Variants in NTRK2 observed in about 807,000 individuals in gnomAD.
The protein encoded by NTRK2 is BDNF/NT-3 growth factors receptor.
Under a neutral mutation model 94.5 loss-of-function variants are expected in NTRK2, and 13 were observed. The observed-to-expected ratio is 0.14, with a 90% confidence interval of 0.09 to 0.22. The LOEUF is 0.22. Ranked by LOEUF, NTRK2 falls within the 10% of genes least tolerant of loss-of-function variation. NTRK2 has a pLI of 1.00. For missense variants in NTRK2, 639 were observed against 1,071.2 expected (o/e 0.60, Z 5.63); for synonymous variants, 372 against 407.4 (o/e 0.91, Z 1.05).
At chr9:84,948,296 T>G (rs190883566) in intron 15 of NTRK2, among the ~76,000 whole-genome samples, 166 bp from the exon 16 acceptor site, 6 of 152,330 alleles carry the variant, frequency 3.9e-5, no homozygotes, top group Non-Finnish European at 2.9e-5. Context: ...TGGAAAGCTT[T>G]GCATATGCCT....
At chr9:84,882,723 C>CGCGCGCGCGT (rs1554762207) in intron 14 of NTRK2, among the ~76,000 whole-genome samples, 124 of 136,778 alleles carry the variant, frequency 9.1e-4, no homozygotes, top group African/African-American at 3.1e-3. Context: ...TGTGTGTGCG[C>CGCGCGCGCGT]GCGCGCGCGC....
chr9:84,738,314 A>AT (rs981466597), intron 9 of NTRK2, among the ~76,000 whole-genome samples: 3 of 148,286 alleles, frequency 2.0e-5, no homozygotes, highest in East Asian at 1.9e-4. Context: ...TTCTTCTTGG[A>AT]TTTTTTTCTC....
intron 17 of NTRK2, among the ~76,000 whole-genome samples, chr9:84,957,439 G>A (rs994138960): frequency 6.6e-6 from 1 of 152,130 alleles, no homozygotes; most frequent in Non-Finnish European, 1.5e-5. Context: ...TCGAAAGTAG[G>A]AGAAGGTTCT....
At chr9:84,966,585 C>A (rs1050052457) in intron 17 of NTRK2, among the ~76,000 whole-genome samples, 1 of 152,150 alleles carries the variant, frequency 6.6e-6, no homozygotes, top group African/African-American at 2.4e-5. Context: ...GCACCTGCCA[C>A]CACACTGGGC....
chr9:84,785,673 G>C (rs2133110093), intron 12 of NTRK2, among the ~76,000 whole-genome samples: 1 of 152,148 alleles, frequency 6.6e-6, no homozygotes, highest in East Asian at 1.9e-4. Flanking sequence ...TCCAGTTTGA[G>C]AAGTCCCTAA....
intron 14 of NTRK2, among the ~76,000 whole-genome samples, chr9:84,885,861 CT>C (rs898220841): frequency 2.0e-5 from 3 of 151,874 alleles, no homozygotes; most frequent in African/African-American, 7.3e-5. Flanking sequence ...GTGAAACCCC[CT>C]CTCTACTAAA....
At chr9:84,781,998 A>G (rs2067619525) in intron 12 of NTRK2, among the ~76,000 whole-genome samples, 1 of 151,860 alleles carries the variant, frequency 6.6e-6, no homozygotes, top group African/African-American at 2.4e-5. Flanking sequence ...GTTGTATAAG[A>G]GAGAATTGCT....
chr9:84,876,295 A>G (rs939368620), intron 14 of NTRK2: 3 of 1,045,876 alleles, frequency 2.9e-6, no homozygotes, highest in Admixed American at 1.1e-4. Context: ...TGCCTTTACT[A>G]GAGATTACAT....
intron 4 of NTRK2, among the ~76,000 whole-genome samples, chr9:84,705,979 G>A (rs555322612): frequency 6.6e-6 from 1 of 151,810 alleles, no homozygotes; most frequent in Admixed American, 6.6e-5. Flanking sequence ...TAGTAGAGAC[G>A]GGGTTTCACC....
intron 12 of NTRK2, among the ~76,000 whole-genome samples, chr9:84,790,314 A>G (rs1038121867): frequency 6.6e-6 from 1 of 152,206 alleles, no homozygotes; most frequent in Non-Finnish European, 1.5e-5. Context: ...CAAGGCAGTT[A>G]TTCAGTTGAT....
intron 2 of NTRK2, among the ~76,000 whole-genome samples, chr9:84,684,920 T>C (rs2059615895): frequency 6.6e-6 from 1 of 152,162 alleles, no homozygotes; most frequent in East Asian, 1.9e-4. Context: ...ATGATATTTC[T>C]TTTCTTCTCC....
At chr9:84,750,826 C>G (rs1297694511) in intron 11 of NTRK2, among the ~76,000 whole-genome samples, 2 of 152,202 alleles carry the variant, frequency 1.3e-5, no homozygotes, top group South Asian at 2.1e-4. Context: ...GTGCCGCTGA[C>G]AACTTTGCTC....
chr9:84,753,665 T>C (rs2064836596), intron 12 of NTRK2, among the ~76,000 whole-genome samples: 1 of 152,212 alleles, frequency 6.6e-6, no homozygotes, highest in African/African-American at 2.4e-5. Flanking sequence ...GGCTGCTCTG[T>C]GTGTGCCGCA....
intron 12 of NTRK2, among the ~76,000 whole-genome samples, chr9:84,852,238 C>T (rs912498377): frequency 2.6e-5 from 4 of 152,228 alleles, no homozygotes; most frequent in Non-Finnish European, 5.9e-5. Context: ...CCAGCTTCCT[C>T]CGCAAAGACT....
intron 17 of NTRK2, among the ~76,000 whole-genome samples, chr9:84,977,028 A>G (rs56016640): frequency 0.24 from 36,344 of 152,188 alleles, 5,002 homozygotes; most frequent in African/African-American, 0.38. Flanking sequence ...AAGTCACTAC[A>G]TTGAATTAGC....
In NTRK2 at chr9:84,752,149, A is replaced by G. The variant is rs978648678; in HGVS notation, c.1396+64A>G. The stretch of plus-strand genomic sequence containing the variant: ...CATTTTTGGCTTATGACTAATGCTA[A>G]TTACCACTAAAGAAGGAAGTGGCTA... On this transcript the variant is annotated intron_variant, in intron 12 of 18. Transcript: ENST00000277120. 2.5e-6 allele frequency: 3 copies of G among 1,223,340 alleles called. No individual in the cohort carries two copies. In the African/African-American group the frequency reaches 4.4e-5, roughly 18 times the overall value. The allele number at this position is 1,223,340 out of a possible 1,614,324, so 75.8% of individuals were successfully genotyped here. A position where few individuals can be genotyped will look rare whatever the true frequency, so the allele number is the denominator to read the frequency against.
rs1353018886 is a variant in NTRK2 at position 84,877,152 on chromosome 9, T to C, written c.1633+9721T>C. 3.8e-6 allele frequency: 4 copies of C among 1,064,752 alleles called. No homozygotes were observed. In the South Asian group the frequency reaches 1.4e-4, roughly 36 times the overall value. 66.0% of individuals were successfully genotyped at this position (1,064,752 alleles called of 1,614,324 possible). On this transcript the variant is annotated intron_variant, in intron 14 of 18. Transcript: ENST00000277120. The stretch of plus-strand genomic sequence containing the variant: ...ATATGCTCTGCCACTTCCTACATAT[T>C]ACATCCTGAGTTTTTAAGTAAAGTG...
intron 12 of NTRK2, among the ~76,000 whole-genome samples, chr9:84,763,486 G>T (rs1377329311): frequency 1.3e-5 from 2 of 150,430 alleles, no homozygotes; most frequent in Non-Finnish European, 3.0e-5. Context: ...GCTTTTTACT[G>T]TAAAATTTTC....
At chr9:84,689,173 T>A (rs1003022537) in intron 2 of NTRK2, among the ~76,000 whole-genome samples, 1 of 152,190 alleles carries the variant, frequency 6.6e-6, no homozygotes, top group Admixed American at 6.5e-5. Flanking sequence ...CTCTGTGAGG[T>A]TGGGAGGACT....
Sources: allele counts gnomAD v4.1 joint callset (sites outside exome capture counted in the v4.1 genomes callset), GRCh38; gene constraint gnomAD v4.1.1; transcripts MANE v1.5; gene names NCBI Gene and HGNC (gene_info 2026-07-23, HGNC 2026-07-21).